The following RBFOX1 variants were observed in gnomAD, a reference collection of about 807,000 sequenced individuals.
RBFOX1 encodes the protein RNA binding protein fox-1 homolog 1.
Under a neutral mutation model 57.7 loss-of-function variants are expected in RBFOX1, and 8 were observed. The ratio of observed to expected loss-of-function variants is 0.14; its 90% CI spans 0.08 to 0.25. The LOEUF is 0.25. Ranked by LOEUF, RBFOX1 falls within the 10% of genes least tolerant of loss-of-function variation. The pLI is 1.00. For missense variants in RBFOX1, 611 were observed against 548.5 expected, an observed-to-expected ratio of 1.11 and a Z score of -1.14; for synonymous variants, 326 against 222.4, an observed-to-expected ratio of 1.47 and a Z score of -4.15.
chr16:7,139,190 GTGTGTGTA>G (rs1282586342), intron 4 of RBFOX1, among the ~76,000 whole-genome samples: 1 of 136,176 alleles, frequency 7.3e-6, no homozygotes, highest in African/African-American at 2.8e-5. Context: ...GTGTGTGTGT[GTGTGTGTA>G]TGTGTGTGTG....
At chr16:7,703,315 G>T (rs1428798973) in intron 14 of RBFOX1, among the ~76,000 whole-genome samples, 1 of 152,158 alleles carries the variant, frequency 6.6e-6, no homozygotes, top group East Asian at 1.9e-4. Context: ...CCTTCTCTGT[G>T]TTGGGAGGGG....
chr16:6,494,640 T>C (rs2095715084), intron 2 of RBFOX1, among the ~76,000 whole-genome samples: 1 of 152,210 alleles, frequency 6.6e-6, no homozygotes. Flanking sequence ...TCTTGAACAT[T>C]TGTGGACAGG....
At position 5,718,793 on chromosome 16, in the gene RBFOX1, C is replaced by T. The variant is rs1051841917; in HGVS notation, c.318+119832C>T. Among the ~76,000 whole-genome samples the T allele has an allele frequency of 8.5e-5, 13 of 152,082 alleles. 1 individual carries two copies. In the South Asian group the frequency reaches 1.9e-3, roughly 22 times the overall value. On this transcript the variant is annotated intron_variant, in intron 3 of 19. Transcript: ENST00000641259. ...GCATAGTCGTGGGTACCTGTAATCC[C>T]AGCTACTCCAGAGGCTGAGGCAGGA...
At position 6,779,477 on chromosome 16, in the gene RBFOX1, T is replaced by A. The variant is rs1017782449; in HGVS notation, c.-16+124827T>A. On this transcript the variant is annotated intron_variant, in intron 3 of 15. Transcript: ENST00000550418. The stretch of plus-strand genomic sequence containing the variant: ...GTTGTGAAGAGTACTACAATAAACA[T>A]GGCAGTGCACATATCTCTTCTATAC... Among the ~76,000 whole-genome samples, 3 of 151,734 alleles carry A rather than the reference T, an allele frequency of 2.0e-5. 1 individual carries two copies. The highest frequency in any genetic ancestry group is 2.4e-5 in the African/African-American group (1 of 41,344).
At chr16:7,075,575 T>A (rs554760716) in intron 4 of RBFOX1, among the ~76,000 whole-genome samples, 3 of 152,164 alleles carry the variant, frequency 2.0e-5, no homozygotes, top group East Asian at 1.9e-4. Context: ...TTTTTCTTTT[T>A]TTTATTTATT....
chr16:5,587,660 C>A lies in RBFOX1; in HGVS notation c.259-11242C>A, dbSNP rs544349636. 1.3e-4 allele frequency among the ~76,000 whole-genome samples: 20 copies of A among 152,282 alleles called. 1 individual carries two copies. In the South Asian group the frequency reaches 3.9e-3, roughly 30 times the overall value. On this transcript the variant is annotated intron_variant, in intron 2 of 2. Transcript: ENST00000585867. The stretch of plus-strand genomic sequence containing the variant: ...CCCAGGAGGCAGAGGTTGCAGTGAG[C>A]CAAGATCGCGGCACTGTACTCCAGC...
intron 1 of RBFOX1, among the ~76,000 whole-genome samples, chr16:6,155,382 CAG>C (rs1396741410): frequency 6.6e-6 from 1 of 152,182 alleles, no homozygotes; most frequent in Non-Finnish European, 1.5e-5. Flanking sequence ...GATTTAGAAA[CAG>C]AGTGAGACTA....
At chr16:7,147,195 G>T (rs1042794973) in intron 4 of RBFOX1, among the ~76,000 whole-genome samples, 1 of 149,788 alleles carries the variant, frequency 6.7e-6, no homozygotes, top group Non-Finnish European at 1.5e-5. Context: ...AGCAGAGACA[G>T]GGTTTCACCA....
chr16:6,542,850 T>G (rs2096842804), intron 2 of RBFOX1, among the ~76,000 whole-genome samples: 1 of 152,056 alleles, frequency 6.6e-6, no homozygotes. Context: ...TACCATCTTT[T>G]GTAAGTCTGT....
At chr16:7,196,103 C>A (rs77773784) in intron 4 of RBFOX1, among the ~76,000 whole-genome samples, 2 of 151,880 alleles carry the variant, frequency 1.3e-5, no homozygotes, top group African/African-American at 4.8e-5. Flanking sequence ...TTGCTCTTTT[C>A]TCTTCATCAT....
chr16:6,589,091 C>A (rs1199212027), intron 2 of RBFOX1, among the ~76,000 whole-genome samples: 2 of 101,356 alleles, frequency 2.0e-5, no homozygotes, highest in Non-Finnish European at 4.5e-5. Context: ...TTTTATCATT[C>A]CATCTATATT....
At chr16:6,805,576 AG>A (rs2086567984) in intron 3 of RBFOX1, among the ~76,000 whole-genome samples, 1 of 149,924 alleles carries the variant, frequency 6.7e-6, no homozygotes, top group South Asian at 2.1e-4. Context: ...TCACATTGAA[AG>A]GAATACAGAT....
At chr16:6,251,062 G>A (rs972730395) in intron 1 of RBFOX1, among the ~76,000 whole-genome samples, 33 of 152,240 alleles carry the variant, frequency 2.2e-4, no homozygotes, top group African/African-American at 7.5e-4. Context: ...TTTGCAAACA[G>A]CAGTACCACT....
At chr16:6,828,330 C>T (rs1053481916) in intron 3 of RBFOX1, among the ~76,000 whole-genome samples, 1 of 151,972 alleles carries the variant, frequency 6.6e-6, no homozygotes, top group African/African-American at 2.4e-5. Context: ...TCAGGAGCAT[C>T]GTGGCCAACA....
intron 3 of RBFOX1, among the ~76,000 whole-genome samples, chr16:5,854,477 C>G (rs985170656): frequency 1.3e-5 from 2 of 152,112 alleles, no homozygotes; most frequent in Non-Finnish European, 2.9e-5. Context: ...ATAATGTCCT[C>G]CAGCTTCCTC....
intron 4 of RBFOX1, among the ~76,000 whole-genome samples, chr16:7,475,120 C>T (rs761829736): frequency 2.0e-5 from 3 of 152,004 alleles, no homozygotes; most frequent in South Asian, 2.1e-4. Flanking sequence ...TTCATGGCCC[C>T]GAGCTTTTCT....
chr16:6,387,605 T>C (rs764509024), intron 2 of RBFOX1, among the ~76,000 whole-genome samples: 4 of 152,202 alleles, frequency 2.6e-5, no homozygotes, highest in Admixed American at 6.5e-5. Context: ...CAAGGTTATG[T>C]GAAACAAAGA....
intron 3 of RBFOX1, among the ~76,000 whole-genome samples, chr16:6,906,381 C>T (rs1016215354): frequency 2.0e-5 from 3 of 151,938 alleles, no homozygotes; most frequent in Non-Finnish European, 4.4e-5. Flanking sequence ...CACCGAAACT[C>T]ATAAAAAATA....
intron 1 of RBFOX1, among the ~76,000 whole-genome samples, chr16:6,221,651 T>C (rs2097374129): frequency 6.6e-6 from 1 of 152,032 alleles, no homozygotes; most frequent in Admixed American, 6.6e-5. Flanking sequence ...AGGAAAGAGG[T>C]TTCACTGACT....
Sources: gnomAD v4.1 joint callset for allele counts (sites outside exome capture counted in the v4.1 genomes callset) on GRCh38, gnomAD v4.1.1 for gene constraint, MANE v1.5 for transcripts, NCBI Gene and HGNC (gene_info 2026-07-23, HGNC 2026-07-21) for gene names.